Variants in ROBO2 observed in about 807,000 individuals in gnomAD.
ROBO2 encodes roundabout homolog 2.
In ROBO2, 53 loss-of-function variants were observed where a neutral mutation model predicts 160.8. The ratio of observed to expected loss-of-function variants is 0.33; its 90% CI spans 0.26 to 0.41. The LOEUF (loss-of-function observed/expected upper bound fraction) is 0.41. Among genes scored for constraint, ROBO2 ranks in the 10% least tolerant of loss-of-function variants. The pLI is 1.00. For missense variants in ROBO2, 1,577 were observed against 1,722.4 expected (o/e 0.92, Z 1.49); for synonymous variants, 664 against 611.7 (o/e 1.09, Z -1.26).
intron 2 of ROBO2, among the ~76,000 whole-genome samples, chr3:75,994,413 A>C (rs539070686): frequency 6.6e-6 from 1 of 152,322 alleles, no homozygotes; most frequent in East Asian, 1.9e-4. Context: ...AGTGGGAGGT[A>C]ACTGAATCAG....
At chr3:75,985,651 A>G (rs2065394494) in intron 2 of ROBO2, among the ~76,000 whole-genome samples, 1 of 151,578 alleles carries the variant, frequency 6.6e-6, no homozygotes, top group Admixed American at 6.6e-5. Context: ...ATATTGTGCA[A>G]TAATCATCAC....
chr3:76,228,333 A>G (rs1704416556), intron 2 of ROBO2, among the ~76,000 whole-genome samples: 1 of 152,194 alleles, frequency 6.6e-6, no homozygotes, highest in Non-Finnish European at 1.5e-5. Flanking sequence ...CAACCCAGAG[A>G]CAGTACCATG....
intron 2 of ROBO2, among the ~76,000 whole-genome samples, chr3:76,990,505 C>T (rs1398951237): frequency 1.3e-5 from 2 of 152,112 alleles, no homozygotes; most frequent in African/African-American, 4.8e-5. Context: ...CTGCTATTCA[C>T]ATTACTGAAT....
At chr3:76,216,944 A>T (rs186872977) in intron 2 of ROBO2, among the ~76,000 whole-genome samples, 49,935 of 152,006 alleles carry the variant, frequency 0.33, 9,141 homozygotes, top group Non-Finnish European at 0.41. Context: ...AAAGAACAGA[A>T]ATTATAACAA....
At chr3:77,158,020 T>C (rs1025718400) in intron 2 of ROBO2, among the ~76,000 whole-genome samples, 2 of 152,134 alleles carry the variant, frequency 1.3e-5, no homozygotes, top group Non-Finnish European at 2.9e-5. Flanking sequence ...AAAATTCTCA[T>C]ATGAAATGAA....
chr3:76,760,301 AT>A (rs2061230688), intron 2 of ROBO2, among the ~76,000 whole-genome samples: 1 of 151,718 alleles, frequency 6.6e-6, no homozygotes, highest in African/African-American at 2.4e-5. Context: ...AGTATCCTCT[AT>A]TTTTCCTATT....
At chr3:76,186,816 T>A (rs1434138302) in intron 2 of ROBO2, among the ~76,000 whole-genome samples, 1 of 152,174 alleles carries the variant, frequency 6.6e-6, no homozygotes, top group Non-Finnish European at 1.5e-5. Flanking sequence ...CTTATTCTAC[T>A]CTGACCACTC....
intron 2 of ROBO2, among the ~76,000 whole-genome samples, chr3:76,415,074 A>T: frequency 6.6e-6 from 1 of 152,218 alleles, no homozygotes; most frequent in East Asian, 1.9e-4. Context: ...TAAGCTCTGT[A>T]AATCATTAGG....
chr3:77,382,629 C>T (rs745996621), intron 2 of ROBO2, among the ~76,000 whole-genome samples: 1 of 152,226 alleles, frequency 6.6e-6, no homozygotes, highest in East Asian at 1.9e-4. Context: ...GCCTTTGCAT[C>T]CCCATAGCTT....
intron 2 of ROBO2, among the ~76,000 whole-genome samples, chr3:77,200,311 ATATATATATATT>A (rs1186715436): frequency 0.017 from 1,600 of 94,992 alleles, 75 homozygotes; most frequent in Non-Finnish European, 0.025. Context: ...ATATATATAT[ATATATATATATT>A]TTAGTTTCTA....
chr3:76,444,614 A>AT (rs1325051607), intron 2 of ROBO2, among the ~76,000 whole-genome samples: 2 of 152,162 alleles, frequency 1.3e-5, no homozygotes, highest in East Asian at 3.9e-4. Flanking sequence ...GTGAGAACTC[A>AT]GTCACTATCA....
chr3:76,009,009 T>C (rs2066114324), intron 2 of ROBO2, among the ~76,000 whole-genome samples: 2 of 152,278 alleles, frequency 1.3e-5, no homozygotes, highest in South Asian at 2.1e-4. Flanking sequence ...TGTTTGTTCA[T>C]ATTACTTTCT....
intron 5 of ROBO2, among the ~76,000 whole-genome samples, chr3:77,495,657 G>A (rs1287512065): frequency 6.6e-6 from 1 of 152,142 alleles, no homozygotes; most frequent in Non-Finnish European, 1.5e-5. Context: ...ACTTGGATTA[G>A]CCGGATTAGA....
At chr3:77,167,240 C>T (rs898117792) in intron 2 of ROBO2, among the ~76,000 whole-genome samples, 2 of 151,588 alleles carry the variant, frequency 1.3e-5, no homozygotes, top group African/African-American at 2.4e-5. Context: ...AGTATTACTA[C>T]CATGGAATGG....
chr3:77,474,691 C>CATAT (rs1553973682), intron 2 of ROBO2, among the ~76,000 whole-genome samples: 1 of 150,738 alleles, frequency 6.6e-6, no homozygotes, highest in African/African-American at 2.4e-5. Context: ...CACACACACA[C>CATAT]TCAATTTAGA....
chr3:76,220,245 T>G (rs533451267), intron 2 of ROBO2, among the ~76,000 whole-genome samples: 16 of 150,966 alleles, frequency 1.1e-4, no homozygotes, highest in Non-Finnish European at 1.9e-4. Context: ...AGTTAATGGG[T>G]GCAGCACACC....
intron 2 of ROBO2, among the ~76,000 whole-genome samples, chr3:76,514,944 G>A (rs183997851): frequency 7.2e-5 from 11 of 152,290 alleles, no homozygotes; most frequent in Admixed American, 3.3e-4. Context: ...ACACACACAA[G>A]TTAGAGGTGG....
At chr3:77,014,197 A>G (rs60868775) in intron 2 of ROBO2, among the ~76,000 whole-genome samples, 10,690 of 152,126 alleles carry the variant, frequency 0.07, 1,142 homozygotes, top group African/African-American at 0.24. Context: ...CAGACTCTAA[A>G]CTTTAAATGC....
intron 2 of ROBO2, among the ~76,000 whole-genome samples, chr3:76,514,274 C>T (rs901020122): frequency 2.6e-5 from 4 of 152,036 alleles, no homozygotes; most frequent in Non-Finnish European, 5.9e-5. Flanking sequence ...TCAAGATTCT[C>T]CCCCCATGTT....
Sources: gnomAD v4.1 joint callset for allele counts (sites outside exome capture counted in the v4.1 genomes callset) on GRCh38, gnomAD v4.1.1 for gene constraint, MANE v1.5 for transcripts, NCBI Gene and HGNC (gene_info 2026-07-23, HGNC 2026-07-21) for gene names.